The following KANSL1L variants were observed in gnomAD, a reference collection of about 807,000 sequenced individuals.
The protein encoded by KANSL1L is KAT8 regulatory NSL complex subunit 1 like, also known as KAT8 regulatory NSL complex subunit 1-like protein.
In KANSL1L, 25 loss-of-function variants were observed where a neutral mutation model predicts 108.6. The observed-to-expected ratio is 0.23, with a 90% CI of 0.17 to 0.32. KANSL1L has a LOEUF of 0.32. Ranked by LOEUF, KANSL1L falls within the 10% of genes least tolerant of loss-of-function variation. The pLI is 1.00. For synonymous variants in KANSL1L, 405 were observed against 395.1 expected, an observed-to-expected ratio of 1.03 and a Z score of -0.30; for missense variants, 1,137 against 1,125.7, an observed-to-expected ratio of 1.01 and a Z score of -0.14.
intron 5 of KANSL1L, among the ~76,000 whole-genome samples, chr2:210,083,554 A>G (rs555076912): frequency 1.3e-5 from 2 of 152,246 alleles, no homozygotes; most frequent in Admixed American, 6.5e-5. Flanking sequence ...AATGCATCAC[A>G]TATTCAGATA....
At chr2:210,098,504 G>A (rs2094761045) in intron 4 of KANSL1L, among the ~76,000 whole-genome samples, 3 of 151,782 alleles carry the variant, frequency 2.0e-5, no homozygotes, top group Admixed American at 2.0e-4. Context: ...TATTACCCTT[G>A]AGGCAGGAAA....
At chr2:210,025,738 C>T (rs528577843) in intron 12 of KANSL1L, among the ~76,000 whole-genome samples, 13 of 152,228 alleles carry the variant, frequency 8.5e-5, no homozygotes, top group African/African-American at 1.7e-4. Context: ...TTTTTAGACA[C>T]GGGTCTCTGT....
At chr2:210,079,569 C>T (rs1379259515) in intron 5 of KANSL1L, among the ~76,000 whole-genome samples, 2 of 127,120 alleles carry the variant, frequency 1.6e-5, no homozygotes, top group East Asian at 2.3e-4. Flanking sequence ...GTAGCCTGGG[C>T]AACAGAGTGA....
chr2:210,037,370 C>T (rs897131719), intron 8 of KANSL1L, among the ~76,000 whole-genome samples: 1 of 152,138 alleles, frequency 6.6e-6, no homozygotes, highest in Non-Finnish European at 1.5e-5. Context: ...TTAAAATAAT[C>T]ATCTTCATGG....
chr2:210,135,131 T>C (rs1205342459), intron 2 of KANSL1L, among the ~76,000 whole-genome samples: 2 of 152,070 alleles, frequency 1.3e-5, no homozygotes, highest in Non-Finnish European at 2.9e-5. Context: ...CCATTGGGAA[T>C]TTTCCTTGTC....
chr2:210,066,798 T>C, intron 6 of KANSL1L, among the ~76,000 whole-genome samples: 1 of 152,242 alleles, frequency 6.6e-6, no homozygotes, highest in East Asian at 1.9e-4. Context: ...GGCATTTAGA[T>C]TACTTTGTAT....
chr2:210,025,051 T>G, intron 13 of KANSL1L, 53 bp downstream of exon 13: 1 of 1,129,376 alleles, frequency 8.9e-7, no homozygotes, highest in Non-Finnish European at 1.4e-6. Context: ...ATGCAGAGGT[T>G]TTGTTCATTT....
intron 3 of KANSL1L, among the ~76,000 whole-genome samples, chr2:210,111,807 T>G (rs1046497396): frequency 6.6e-6 from 1 of 152,106 alleles, no homozygotes. Context: ...TATGTATACA[T>G]GCGCCATGTT....
intron 6 of KANSL1L, among the ~76,000 whole-genome samples, chr2:210,057,987 C>A (rs902712398): frequency 1.3e-5 from 2 of 152,036 alleles, no homozygotes; most frequent in Non-Finnish European, 2.9e-5. Flanking sequence ...ATCTGGGTAC[C>A]TTGAAAAAAG....
intron 6 of KANSL1L, among the ~76,000 whole-genome samples, chr2:210,050,339 T>G (rs1012599792): frequency 6.6e-6 from 1 of 152,092 alleles, no homozygotes; most frequent in African/African-American, 2.4e-5. Flanking sequence ...CAAGTATAAA[T>G]GGTCTAAGCA....
chr2:210,101,780 A>G (rs894104057), intron 4 of KANSL1L, among the ~76,000 whole-genome samples: 2 of 152,240 alleles, frequency 1.3e-5, no homozygotes, highest in Non-Finnish European at 2.9e-5. Context: ...GCAATTATAA[A>G]TTTAACAAAT....
intron 2 of KANSL1L, among the ~76,000 whole-genome samples, chr2:210,149,878 T>C (rs752213608): frequency 2.1e-4 from 31 of 150,524 alleles, no homozygotes; most frequent in South Asian, 1.3e-3. Context: ...AAATGTTGAA[T>C]AGATTTCAAG....
intron 3 of KANSL1L, among the ~76,000 whole-genome samples, chr2:210,112,809 T>C (rs1023339857): frequency 4.6e-5 from 7 of 152,112 alleles, no homozygotes; most frequent in African/African-American, 1.4e-4. Context: ...ACCACCTGCA[T>C]TGGCAGAATC....
rs561711767 is a variant in KANSL1L, at chr2:210,171,162, C to G, written c.-43G>C. 2.6e-5 allele frequency: 4 copies of G among 154,374 alleles called. No homozygotes were observed. In the South Asian group the frequency reaches 7.1e-4, roughly 27 times the overall value. 9.6% of individuals were successfully genotyped at this position (154,374 alleles called of 1,614,324 possible). On this transcript the variant is annotated 5_prime_UTR_variant, in exon 1 of 15. Transcript: ENST00000281772. ...CCGGCCACTCGCCTGCTGGGGCGCCCTGGCTCCCCTCCGCCGCCGCACCTT... is the reference window on the plus strand; with the variant it reads ...CCGGCCACTCGCCTGCTGGGGCGCCGTGGCTCCCCTCCGCCGCCGCACCTT...
chr2:210,115,506 G>A (rs182016311), intron 3 of KANSL1L, among the ~76,000 whole-genome samples: 6 of 152,248 alleles, frequency 3.9e-5, no homozygotes, highest in Admixed American at 3.3e-4. Flanking sequence ...AAATTCTTGA[G>A]TTTGTAGGAT....
chr2:210,043,927 A>T lies in KANSL1L; in HGVS notation c.1921+12T>A. On this transcript the variant is annotated intron_variant, in intron 7 of 14. Transcript: ENST00000281772. ...AATATCGTTACTTAGAAATTGTTACAAGGAGGCTTACCTGATGGCAATGAT... is the reference window on the plus strand; with the variant it reads ...AATATCGTTACTTAGAAATTGTTACTAGGAGGCTTACCTGATGGCAATGAT... 1 of 1,538,272 alleles carries T rather than the reference A, an allele frequency of 6.5e-7. No homozygotes were observed. The highest frequency in any genetic ancestry group is 8.8e-7 in the Non-Finnish European group (1 of 1,136,232).
At position 210,026,871 on chromosome 2, in the gene KANSL1L, C is replaced by T. The variant is rs929384725; in HGVS notation, c.2451+425G>A. On this transcript the variant is annotated intron_variant, in intron 12 of 14. Coordinates refer to ENST00000281772, the MANE Select transcript of KANSL1L (RefSeq NM_152519.4). ...TTGCAAGCTCCGCCTCCCGGGTTCA[C>T]GCTATTCTCCTGCCTCAGCCTCCCA... is the stretch of plus-strand genomic sequence containing the variant. 3.3e-5 allele frequency among the ~76,000 whole-genome samples: 5 copies of T among 152,024 alleles called. No individual in the cohort carries two copies. In the South Asian group the frequency reaches 6.2e-4, roughly 19 times the overall value.
chr2:210,135,345 A>G (rs900022305), intron 2 of KANSL1L, among the ~76,000 whole-genome samples: 1 of 152,178 alleles, frequency 6.6e-6, no homozygotes, highest in Non-Finnish European at 1.5e-5. Context: ...GGGTAGCCAA[A>G]GAGGCAAACT....
chr2:210,135,295 T>C (rs2095163832), intron 2 of KANSL1L, among the ~76,000 whole-genome samples: 2 of 152,144 alleles, frequency 1.3e-5, no homozygotes, highest in South Asian at 2.1e-4. Flanking sequence ...CTTGAGAAGA[T>C]GGTATGTTTT....
Sources: gnomAD v4.1 joint callset for allele counts (sites outside exome capture counted in the v4.1 genomes callset) on GRCh38, gnomAD v4.1.1 for gene constraint, MANE v1.5 for transcripts, NCBI Gene and HGNC (gene_info 2026-07-23, HGNC 2026-07-21) for gene names.